The following B4GALNT2 variants were observed in gnomAD, a reference collection of about 807,000 sequenced individuals.
B4GALNT2 encodes the protein N-acetylneuraminylgalactosylglucosyl-glucoside beta-1,4-N- acetylgalactosaminyltransferase 2.
Under a neutral mutation model 51.1 loss-of-function variants are expected in B4GALNT2, and 42 were observed. The observed-to-expected ratio is 0.82, with a 90% CI of 0.64 to 1.06. The LOEUF is 1.06. Ranked by LOEUF, B4GALNT2 falls within the 50% of genes least tolerant of loss-of-function variation. The pLI, the probability that B4GALNT2 is intolerant of heterozygous loss-of-function variation, is 0.00. For missense variants in B4GALNT2, 602 were observed against 633.6 expected (o/e 0.95, Z 0.54); for synonymous variants, 253 against 251.7 (o/e 1.01, Z -0.05).
At chr17:49,156,545 C>A (rs748900433) in intron 4 of B4GALNT2, 21 bp from the exon 5 acceptor site, 2 of 1,613,592 alleles carry the variant, frequency 1.2e-6, no homozygotes, top group South Asian at 1.1e-5. Flanking sequence ...AGTTTTCTTT[C>A]CTTTTCCCTG....
At chr17:49,144,805 TTAAG>T (rs2042677772) in intron 3 of B4GALNT2, among the ~76,000 whole-genome samples, 1 of 152,110 alleles carries the variant, frequency 6.6e-6, no homozygotes, top group Admixed American at 6.6e-5. Context: ...AGAGAATTTA[TTAAG>T]TATTAACTTA....
At chr17:49,150,380 TGAG>T (rs1468277703) in intron 3 of B4GALNT2, among the ~76,000 whole-genome samples, 57 of 151,742 alleles carry the variant, frequency 3.8e-4, no homozygotes, top group Admixed American at 7.9e-4. Flanking sequence ...TACTGGGAAG[TGAG>T]GAGCCCCTCT....
intron 5 of B4GALNT2, among the ~76,000 whole-genome samples, chr17:49,156,893 G>A (rs2042815918): frequency 6.6e-6 from 1 of 152,230 alleles, no homozygotes; most frequent in Non-Finnish European, 1.5e-5. Flanking sequence ...GCACTGCGTG[G>A]CCTCTGTCAG....
At chr17:49,151,623 G>A (rs1236687746) in intron 3 of B4GALNT2, among the ~76,000 whole-genome samples, 2 of 151,958 alleles carry the variant, frequency 1.3e-5, no homozygotes, top group Non-Finnish European at 2.9e-5. Context: ...GTGTGTGCTT[G>A]TAGTCCCAGC....
chr17:49,168,123 C>T (rs1250025423), intron 9 of B4GALNT2, among the ~76,000 whole-genome samples: 1 of 152,110 alleles, frequency 6.6e-6, no homozygotes, highest in Non-Finnish European at 1.5e-5. Context: ...ACCACATCAC[C>T]CTTAGAGGAT....
chr17:49,138,118 A>C (rs563198245), intron 1 of B4GALNT2, among the ~76,000 whole-genome samples: 17 of 152,322 alleles, frequency 1.1e-4, no homozygotes, highest in African/African-American at 3.6e-4. Context: ...AAAATATACA[A>C]GTATTGGGCA....
chr17:49,122,263 G>T, the B4GALNT2 span, among the ~76,000 whole-genome samples: 1 of 152,214 alleles, frequency 6.6e-6, no homozygotes. Context: ...ACTTAAAAAT[G>T]GTGGTGCTTG....
At position 49,172,057 on chromosome 17, in the gene B4GALNT2, C is replaced by G. The variant is rs1024470511; in HGVS notation, c.*2329C>G. ...AAGGAATACTCATGGCAATGGTGAT[C>G]ACCACTATCATATCTATCATTAAAT... On this transcript the variant is annotated 3_prime_UTR_variant, in exon 11 of 11. Transcript: ENST00000393354. The G allele has an allele frequency of 2.2e-5, 6 of 276,798 alleles. No homozygotes were observed. The highest frequency in any genetic ancestry group is 3.4e-5 in the Non-Finnish European group (5 of 149,094). 17.1% of individuals were successfully genotyped at this position (276,798 alleles called of 1,614,324 possible).
At chr17:49,169,402 C>T in intron 10 of B4GALNT2, 121 bp from the exon 11 acceptor site, 1 of 912,708 alleles carries the variant, frequency 1.1e-6, no homozygotes, top group Non-Finnish European at 1.7e-6. Flanking sequence ...TCACGTGGGG[C>T]TGAACCTCCC....
At chr17:49,164,743 C>A (rs563502888) in intron 8 of B4GALNT2, among the ~76,000 whole-genome samples, 1 of 151,862 alleles carries the variant, frequency 6.6e-6, no homozygotes, top group Non-Finnish European at 1.5e-5. Flanking sequence ...TTAGGTGATC[C>A]GCCTATCTTG....
chr17:49,171,852 A>G lies in B4GALNT2; in HGVS notation c.*2124A>G, dbSNP rs187445428. 950 of 344,816 alleles carry G rather than the reference A, an allele frequency of 2.8e-3. 7 individuals are homozygous for G. Among genetic ancestry groups the G allele is most frequent in the Admixed American group, 2.9e-3 (68 of 23,156 alleles). 21.4% of individuals were successfully genotyped at this position (344,816 alleles called of 1,614,324 possible). On this transcript the variant is annotated 3_prime_UTR_variant, in exon 11 of 11. Coordinates refer to ENST00000393354, the MANE Select transcript of B4GALNT2 (RefSeq NM_001159387.2). ...TGGCCAGGTCTAATTCTATTTACAAATAGGTTTTGAGCTGCCTTTGCTTTG... is the reference window on the plus strand; with the variant it reads ...TGGCCAGGTCTAATTCTATTTACAAGTAGGTTTTGAGCTGCCTTTGCTTTG...
chr17:49,129,289 G>A (rs2042525903), upstream of B4GALNT2, among the ~76,000 whole-genome samples: 1 of 152,206 alleles, frequency 6.6e-6, no homozygotes. Context: ...GTGGATTCCT[G>A]AGACCTGAGG....
chr17:49,131,276 T>G (rs932516141), upstream of B4GALNT2, among the ~76,000 whole-genome samples: 7 of 152,082 alleles, frequency 4.6e-5, no homozygotes, highest in African/African-American at 1.7e-4. Flanking sequence ...GAGGATCTCT[T>G]TTCCAGTCTG....
chr17:49,142,189 A>T lies in B4GALNT2; in HGVS notation c.353+17A>T. 6.2e-7 allele frequency: 1 copy of T among 1,613,882 alleles called. No homozygotes were observed. The highest frequency in any genetic ancestry group is 8.5e-7 in the Non-Finnish European group (1 of 1,179,952). On this transcript the variant is annotated intron_variant, in intron 3 of 10. Transcript: ENST00000393354. ...TCAGAGGAGGTAATGCGGGTCATGA[A>T]GGCCCTTGGGTTCTGAGATGGAACA...
intron 5 of B4GALNT2, among the ~76,000 whole-genome samples, chr17:49,157,610 G>T (rs776719345): frequency 2.6e-5 from 4 of 152,116 alleles, no homozygotes; most frequent in Non-Finnish European, 4.4e-5. Flanking sequence ...GAGCCACCGT[G>T]TCTGGCCCCT....
the B4GALNT2 span, among the ~76,000 whole-genome samples, chr17:49,125,766 G>GCCCGGCCGGCCGC: frequency 2.1e-5 from 2 of 93,664 alleles, no homozygotes; most frequent in African/African-American, 3.9e-5. Context: ...TCAGCCCCCC[G>GCCCGGCCGGCCGC]CCCGTCCGGC....
At chr17:49,158,909 C>G (rs559492185) in intron 5 of B4GALNT2, 128 bp from the exon 6 acceptor site, 2 of 1,100,638 alleles carry the variant, frequency 1.8e-6, no homozygotes, top group Non-Finnish European at 2.6e-6. Flanking sequence ...CTGTCAAGGG[C>G]ACCCTGGTGC....
At chr17:49,148,544 C>T in intron 3 of B4GALNT2, 1 of 386,900 alleles carries the variant, frequency 2.6e-6, no homozygotes, top group Non-Finnish European at 5.0e-6. Context: ...CAAGCACAAT[C>T]TCTGGGGGCA....
At chr17:49,123,691 T>C in the B4GALNT2 span, among the ~76,000 whole-genome samples, 1 of 152,214 alleles carries the variant, frequency 6.6e-6, no homozygotes, top group Non-Finnish European at 1.5e-5. Context: ...CATGGAATTA[T>C]ACCATTAAAT....
Sources: gnomAD v4.1 joint callset for allele counts (sites outside exome capture counted in the v4.1 genomes callset) on GRCh38, gnomAD v4.1.1 for gene constraint, MANE v1.5 for transcripts, NCBI Gene and HGNC (gene_info 2026-07-23, HGNC 2026-07-21) for gene names.